Variants in CNTNAP2 observed in about 807,000 individuals in gnomAD.
The protein encoded by CNTNAP2 is contactin associated protein 2.
In CNTNAP2, 98 loss-of-function variants were observed where a neutral mutation model predicts 155.2. That is an observed-to-expected ratio of 0.63 (90% CI 0.54 to 0.75). The LOEUF is 0.75. Ranked by LOEUF, CNTNAP2 falls within the 30% of genes least tolerant of loss-of-function variation. The probability of loss-of-function intolerance (pLI) is 0.00; values close to 1 mark genes in which losing one functional copy is unlikely to be tolerated. For missense variants in CNTNAP2, 1,727 were observed against 1,688.1 expected, an observed-to-expected ratio of 1.02 and a Z score of -0.40; for synonymous variants, 651 against 631.2, an observed-to-expected ratio of 1.03 and a Z score of -0.47.
chr7:147,809,713 T>C (rs1798149956), intron 13 of CNTNAP2, among the ~76,000 whole-genome samples: 1 of 152,216 alleles, frequency 6.6e-6, no homozygotes, highest in South Asian at 2.1e-4. Context: ...TTGCTCCATA[T>C]TGTATTCTGG....
intron 4 of CNTNAP2, among the ~76,000 whole-genome samples, chr7:147,053,355 T>C (rs1799505560): frequency 6.6e-6 from 1 of 152,134 alleles, no homozygotes; most frequent in Non-Finnish European, 1.5e-5. Context: ...TTTTCTAGTG[T>C]AATTTGTTTA....
chr7:146,146,160 A>G (rs1797955845), intron 1 of CNTNAP2, among the ~76,000 whole-genome samples: 1 of 152,212 alleles, frequency 6.6e-6, no homozygotes, highest in Admixed American at 6.6e-5. Flanking sequence ...ATTTTTTAAA[A>G]GGAACTTAAT....
chr7:147,439,242 T>A (rs1797600456), intron 10 of CNTNAP2, among the ~76,000 whole-genome samples: 1 of 152,038 alleles, frequency 6.6e-6, no homozygotes, highest in African/African-American at 2.4e-5. Context: ...AACTTTCCTC[T>A]TAGTACTGCT....
At chr7:146,901,711 T>C (rs1325478696) in intron 3 of CNTNAP2, among the ~76,000 whole-genome samples, 2 of 152,108 alleles carry the variant, frequency 1.3e-5, no homozygotes, top group Admixed American at 6.5e-5. Flanking sequence ...AAAGACAAAG[T>C]CAGTTGTATT....
intron 11 of CNTNAP2, among the ~76,000 whole-genome samples, chr7:147,495,163 G>A (rs1473394612): frequency 1.3e-5 from 2 of 152,160 alleles, no homozygotes; most frequent in East Asian, 1.9e-4. Flanking sequence ...CAAGGCAAGT[G>A]TGTATGATAT....
rs1295460464 is a variant in CNTNAP2, at chr7:148,337,991, G to A, written c.3476-45658G>A. On this transcript the variant is annotated intron_variant, in intron 21 of 23. Transcript: ENST00000361727. ...ACTATTTTATATTAAGTAGAGTTATGAGTTTTGACAAACAAATATATTCAG... is the reference window on the plus strand; with the variant it reads ...ACTATTTTATATTAAGTAGAGTTATAAGTTTTGACAAACAAATATATTCAG... Among the ~76,000 whole-genome samples the A allele has an allele frequency of 3.9e-5, 6 of 152,148 alleles. No individual in the cohort carries two copies. The East Asian group carries it at 9.7e-4, about 24-fold the overall frequency.
chr7:147,256,099 C>G (rs1469157301), intron 8 of CNTNAP2, among the ~76,000 whole-genome samples: 1 of 152,126 alleles, frequency 6.6e-6, no homozygotes, highest in African/African-American at 2.4e-5. Context: ...AGACGATATA[C>G]TTAGTGTTTT....
chr7:147,123,426 A>T (rs1027488715), intron 6 of CNTNAP2, among the ~76,000 whole-genome samples: 1 of 152,276 alleles, frequency 6.6e-6, no homozygotes, highest in Non-Finnish European at 1.5e-5. Flanking sequence ...ATTCACGCAC[A>T]CACAACACTT....
At chr7:148,375,622 G>A (rs1798969171) in intron 21 of CNTNAP2, among the ~76,000 whole-genome samples, 1 of 150,672 alleles carries the variant, frequency 6.6e-6, no homozygotes, top group Admixed American at 6.6e-5. Context: ...GCCTCCCAAA[G>A]TGCTGGGATT....
At chr7:146,205,723 T>A (rs1389838787) in intron 1 of CNTNAP2, among the ~76,000 whole-genome samples, 1 of 151,966 alleles carries the variant, frequency 6.6e-6, no homozygotes, top group Non-Finnish European at 1.5e-5. Context: ...CCATAGGATA[T>A]ATATTGTAAT....
At chr7:146,774,219 A>G in intron 1 of CNTNAP2, 52 bp from the exon 2 acceptor site, 1 of 1,265,726 alleles carries the variant, frequency 7.9e-7, no homozygotes, top group Non-Finnish European at 1.1e-6. Flanking sequence ...ACCAATCGTT[A>G]TTTCGAAATC....
chr7:147,619,506 C>A (rs1334169042), intron 12 of CNTNAP2, among the ~76,000 whole-genome samples: 1 of 152,188 alleles, frequency 6.6e-6, no homozygotes, highest in African/African-American at 2.4e-5. Flanking sequence ...GACTTGAGAG[C>A]CGTGGGCCTT....
intron 13 of CNTNAP2, among the ~76,000 whole-genome samples, chr7:147,901,579 T>A (rs979086260): frequency 2.6e-5 from 4 of 152,224 alleles, no homozygotes; most frequent in Non-Finnish European, 5.9e-5. Context: ...GAAGTTTACC[T>A]TTCTGTCTTT....
chr7:148,409,379 C>A lies in CNTNAP2; in HGVS notation c.3716-12C>A, dbSNP rs1563077338. 1 of 1,599,590 alleles carries A rather than the reference C, an allele frequency of 6.3e-7. No homozygotes were observed. Among genetic ancestry groups the A allele is most frequent in the Admixed American group, 1.7e-5 (1 of 59,978 alleles). Reference sequence around the variant, plus strand: ...ACTTGACTCTGACACTTGACTCTTTCTTTCTCTACAGCCAGTGCGGATTTT... The same window carrying A: ...ACTTGACTCTGACACTTGACTCTTTATTTCTCTACAGCCAGTGCGGATTTT... On this transcript the variant is annotated splice_polypyrimidine_tract_variant and intron_variant, in intron 22 of 23. Transcript: ENST00000361727.
At chr7:146,430,901 T>C (rs1190636990) in intron 1 of CNTNAP2, among the ~76,000 whole-genome samples, 1 of 152,066 alleles carries the variant, frequency 6.6e-6, no homozygotes, top group Admixed American at 6.6e-5. Context: ...AACAAAGGAA[T>C]GGAACAGTTA....
intron 1 of CNTNAP2, among the ~76,000 whole-genome samples, chr7:146,433,526 G>A (rs1563082032): frequency 6.6e-6 from 1 of 152,044 alleles, no homozygotes; most frequent in Non-Finnish European, 1.5e-5. Flanking sequence ...TCAAATATGT[G>A]TGTACATATA....
intron 13 of CNTNAP2, among the ~76,000 whole-genome samples, chr7:147,686,806 TG>T (rs1394831770): frequency 1.3e-5 from 2 of 151,888 alleles, no homozygotes; most frequent in Non-Finnish European, 2.9e-5. Flanking sequence ...AGTACATTTT[TG>T]CTTAACAAAA....
At chr7:146,205,253 C>A (rs1240149387) in intron 1 of CNTNAP2, among the ~76,000 whole-genome samples, 3 of 151,756 alleles carry the variant, frequency 2.0e-5, no homozygotes, top group Non-Finnish European at 2.9e-5. Flanking sequence ...AGAAAGAAAC[C>A]AAGTAAATGA....
intron 21 of CNTNAP2, among the ~76,000 whole-genome samples, chr7:148,371,467 C>CT (rs1375814655): frequency 6.6e-6 from 1 of 152,126 alleles, no homozygotes; most frequent in Non-Finnish European, 1.5e-5. Flanking sequence ...GGAGCCATCC[C>CT]TTTTTACTAA....
Sources: gnomAD v4.1 joint callset for allele counts (sites outside exome capture counted in the v4.1 genomes callset) on GRCh38, gnomAD v4.1.1 for gene constraint, MANE v1.5 for transcripts, NCBI Gene and HGNC (gene_info 2026-07-23, HGNC 2026-07-21) for gene names.